MTHFD1L: variants seen among roughly 807,000 people sequenced by gnomAD.
MTHFD1L encodes the protein monofunctional C1-tetrahydrofolate synthase, mitochondrial.
A neutral mutation model predicts 119.5 loss-of-function variants in MTHFD1L; 81 were observed. The ratio of observed to expected loss-of-function variants is 0.68; its 90% CI spans 0.57 to 0.82. The LOEUF (loss-of-function observed/expected upper bound fraction) is 0.82. Ranked by LOEUF, MTHFD1L falls within the 40% of genes least tolerant of loss-of-function variation. The pLI is 0.00. For missense variants in MTHFD1L, 1,125 were observed against 1,253.4 expected, an observed-to-expected ratio of 0.90 and a Z score of 1.55; for synonymous variants, 430 against 475.2, an observed-to-expected ratio of 0.90 and a Z score of 1.24.
rs150926925 is a variant in MTHFD1L, at chr6:150,870,156, A to G, written c.227+4107A>G. ...TGGCTTAGTTCTGAGTTTTAGCTACACATGGCAACCTAGCTAGAGAGCTCA... is the reference window on the plus strand; with the variant it reads ...TGGCTTAGTTCTGAGTTTTAGCTACGCATGGCAACCTAGCTAGAGAGCTCA... On this transcript the variant is annotated intron_variant, in intron 1 of 27. Coordinates refer to ENST00000367321, the MANE Select transcript of MTHFD1L (RefSeq NM_015440.5). Among the ~76,000 whole-genome samples the G allele has an allele frequency of 9.2e-5, 14 of 152,364 alleles. No individual in the cohort carries two copies. In the East Asian group the frequency reaches 2.5e-3, roughly 27 times the overall value.
At chr6:151,017,199 C>T (rs1433393705) in intron 24 of MTHFD1L, among the ~76,000 whole-genome samples, 3 of 152,174 alleles carry the variant, frequency 2.0e-5, no homozygotes, top group Admixed American at 1.3e-4. Flanking sequence ...ACTCCCCATG[C>T]CCCTCCCTAC....
intron 8 of MTHFD1L, chr6:150,912,646 G>T (rs1438787988): frequency 6.1e-6 from 3 of 491,248 alleles, no homozygotes; most frequent in Non-Finnish European, 8.4e-6. Context: ...TAACACTTTG[G>T]CCTTAAATTT....
At chr6:151,015,021 A>G (rs1450577380) in intron 23 of MTHFD1L, 41 bp downstream of exon 23, 8 of 1,504,378 alleles carry the variant, frequency 5.3e-6, no homozygotes, top group Non-Finnish European at 7.4e-6. Context: ...CATTATCACT[A>G]GGCCACCCTG....
chr6:150,985,038 G>A (rs151054790), intron 20 of MTHFD1L: 18 of 152,288 alleles, frequency 1.2e-4, no homozygotes, highest in African/African-American at 4.3e-4. Context: ...CCTACCTCCA[G>A]GCTTGTTCTA....
rs117847090 is a variant in MTHFD1L at position 150,873,019 on chromosome 6, T to C, written c.228-3071T>C. On this transcript the variant is annotated intron_variant, in intron 1 of 27. Transcript: ENST00000367321. ...TTTTTGACGATTGCCGACTTACCTA[T>C]AGAAGTGTTCCTTTCAGCCCGGCGA... Among the ~76,000 whole-genome samples, 299 of 152,108 alleles carry C rather than the reference T, an allele frequency of 2.0e-3. 1 individual carries two copies. Among genetic ancestry groups the C allele is most frequent in the Middle Eastern group, 0.01 (3 of 294 alleles).
intron 7 of MTHFD1L, among the ~76,000 whole-genome samples, chr6:150,902,693 T>G (rs796277339): frequency 5.9e-5 from 9 of 152,242 alleles, no homozygotes; most frequent in African/African-American, 1.9e-4. Flanking sequence ...ACAGCCCACT[T>G]TAGAGTTGTG....
At chr6:151,061,625 A>G (rs1790649866) in intron 26 of MTHFD1L, among the ~76,000 whole-genome samples, 1 of 152,216 alleles carries the variant, frequency 6.6e-6, no homozygotes, top group Non-Finnish European at 1.5e-5. Flanking sequence ...TGTAATTTAC[A>G]GTGAAGATGT....
chr6:150,871,043 C>T (rs1779363985), intron 1 of MTHFD1L, among the ~76,000 whole-genome samples: 1 of 139,374 alleles, frequency 7.2e-6, no homozygotes, highest in Non-Finnish European at 1.5e-5. Context: ...TATATATATA[C>T]CTTATAATAT....
intron 1 of MTHFD1L, among the ~76,000 whole-genome samples, chr6:150,871,223 A>T (rs1395617955): frequency 6.8e-6 from 1 of 148,096 alleles, no homozygotes; most frequent in Non-Finnish European, 1.5e-5. Flanking sequence ...AATGCCAGTG[A>T]TCTGGTGGAG....
chr6:150,913,177 T>C (rs892156601), intron 8 of MTHFD1L, among the ~76,000 whole-genome samples: 4 of 151,916 alleles, frequency 2.6e-5, no homozygotes, highest in Admixed American at 6.6e-5. Context: ...ATTTTTTTTT[T>C]TGAGGCAGAG....
chr6:151,044,733 G>A (rs558157932), intron 26 of MTHFD1L, among the ~76,000 whole-genome samples: 171 of 152,244 alleles, frequency 1.1e-3, no homozygotes, highest in Non-Finnish European at 2.1e-3. Context: ...CCCACTCCCT[G>A]TGACCCGGCC....
At chr6:150,955,389 CT>C (rs556534663) in intron 16 of MTHFD1L, among the ~76,000 whole-genome samples, 158 of 152,108 alleles carry the variant, frequency 1.0e-3, no homozygotes, top group Non-Finnish European at 1.4e-3. Context: ...TCGCTTCCTC[CT>C]TTTGACTATT....
intron 17 of MTHFD1L, among the ~76,000 whole-genome samples, chr6:150,956,740 CT>C (rs1490259115): frequency 6.6e-6 from 1 of 151,890 alleles, no homozygotes; most frequent in Non-Finnish European, 1.5e-5. Flanking sequence ...GATTTCTGTC[CT>C]TTATGTTAAG....
At chr6:150,987,613 G>A (rs534082632) in intron 20 of MTHFD1L, among the ~76,000 whole-genome samples, 2 of 152,222 alleles carry the variant, frequency 1.3e-5, no homozygotes, top group East Asian at 3.8e-4. Flanking sequence ...GGCAGCTAGC[G>A]CAAGGGGGAG....
chr6:151,031,761 T>C (rs1327612354), intron 24 of MTHFD1L, among the ~76,000 whole-genome samples: 2 of 152,246 alleles, frequency 1.3e-5, no homozygotes, highest in Non-Finnish European at 2.9e-5. Flanking sequence ...TAAGAAATCC[T>C]TCTCTACTTC....
At chr6:151,029,990 G>A (rs1431485086) in intron 24 of MTHFD1L, among the ~76,000 whole-genome samples, 2 of 152,184 alleles carry the variant, frequency 1.3e-5, no homozygotes, top group Non-Finnish European at 2.9e-5. Flanking sequence ...ATGAGTAACA[G>A]TATCTTGTTT....
At chr6:150,954,407 G>T (rs1795300894) in intron 16 of MTHFD1L, among the ~76,000 whole-genome samples, 1 of 152,152 alleles carries the variant, frequency 6.6e-6, no homozygotes, top group Non-Finnish European at 1.5e-5. Flanking sequence ...CAGGGTCTTG[G>T]CTGGGTGCAG....
At chr6:151,084,001 A>G (rs1357964192) in intron 26 of MTHFD1L, among the ~76,000 whole-genome samples, 3 of 152,160 alleles carry the variant, frequency 2.0e-5, no homozygotes, top group Non-Finnish European at 4.4e-5. Flanking sequence ...CGCCTGGAGT[A>G]TGGTCAGAAC....
At chr6:151,098,994 G>A (rs1170753960) in intron 27 of MTHFD1L, among the ~76,000 whole-genome samples, 1 of 152,030 alleles carries the variant, frequency 6.6e-6, no homozygotes, top group African/African-American at 2.4e-5. Context: ...TGGCCAACAT[G>A]GTGAAACCCC....
Sources: gnomAD v4.1 joint callset for allele counts (sites outside exome capture counted in the v4.1 genomes callset) on GRCh38, gnomAD v4.1.1 for gene constraint, MANE v1.5 for transcripts, NCBI Gene and HGNC (gene_info 2026-07-23, HGNC 2026-07-21) for gene names.